Variants in CTNNAL1 observed in about 807,000 individuals in gnomAD.
CTNNAL1 encodes the protein catenin alpha like 1.
A neutral mutation model predicts 93.6 loss-of-function variants in CTNNAL1; 69 were observed. The observed-to-expected ratio is 0.74, with a 90% CI of 0.61 to 0.90. The LOEUF is 0.90. Ranked by LOEUF, CTNNAL1 falls within the 40% of genes least tolerant of loss-of-function variation. The pLI, the probability that CTNNAL1 is intolerant of heterozygous loss-of-function variation, is 0.00. For synonymous variants in CTNNAL1, 286 were observed against 305.4 expected (o/e 0.94, Z 0.66); for missense variants, 836 against 862.0 (o/e 0.97, Z 0.38).
chr9:108,972,859 G>GCCCCCCCCCCCCC, intron 8 of CTNNAL1, 26 bp from the exon 9 acceptor site: 1 of 371,038 alleles, frequency 2.7e-6, no homozygotes, highest in Non-Finnish European at 5.2e-6. Flanking sequence ...TGGGTGGGGG[G>GCCCCCCCCCCCCC]GTGGGAGGGT....
At chr9:109,006,672 C>T (rs1044140645) in intron 1 of CTNNAL1, among the ~76,000 whole-genome samples, 1 of 152,130 alleles carries the variant, frequency 6.6e-6, no homozygotes, top group Non-Finnish European at 1.5e-5. Flanking sequence ...GAAAAGGCAT[C>T]CCTTGGGGAA....
chr9:108,943,422 C>T (rs1830304886), intron 17 of CTNNAL1, among the ~76,000 whole-genome samples: 1 of 152,274 alleles, frequency 6.6e-6, no homozygotes, highest in African/African-American at 2.4e-5. Context: ...AGACCAGACT[C>T]GGAGGCACCT....
chr9:108,966,180 T>C (rs1456354904), intron 10 of CTNNAL1, among the ~76,000 whole-genome samples: 5 of 152,130 alleles, frequency 3.3e-5, no homozygotes, highest in Admixed American at 2.6e-4. Flanking sequence ...TAAACTCAGA[T>C]CTACCTGATC....
intron 12 of CTNNAL1, among the ~76,000 whole-genome samples, chr9:108,955,243 C>A (rs1258480273): frequency 6.6e-6 from 1 of 152,186 alleles, no homozygotes; most frequent in Non-Finnish European, 1.5e-5. Flanking sequence ...ACCTCGGCCT[C>A]CCAAAGTGCT....
At chr9:108,967,448 T>C (rs949263181) in intron 10 of CTNNAL1, among the ~76,000 whole-genome samples, 2 of 152,162 alleles carry the variant, frequency 1.3e-5, no homozygotes, top group Admixed American at 6.5e-5. Flanking sequence ...GTAGGCACTG[T>C]GCCCACGTTC....
chr9:108,991,900 AC>A, intron 3 of CTNNAL1: 1 of 618,686 alleles, frequency 1.6e-6, no homozygotes, highest in Non-Finnish European at 2.9e-6. Context: ...ATGGAGCATG[AC>A]CATCATCTGA....
intron 6 of CTNNAL1, 77 bp downstream of exon 6, chr9:108,983,068 A>T (rs1027225202): frequency 1.7e-6 from 2 of 1,201,306 alleles, no homozygotes; most frequent in Admixed American, 8.4e-5. Context: ...ACAGAGCGAG[A>T]CTCCATCTCA....
At chr9:109,010,245 T>C (rs1405466575) in intron 1 of CTNNAL1, among the ~76,000 whole-genome samples, 1 of 152,204 alleles carries the variant, frequency 6.6e-6, no homozygotes, top group African/African-American at 2.4e-5. Flanking sequence ...TTGATTTTAG[T>C]ATCCTACACT....
chr9:108,955,823 C>G lies in CTNNAL1; in HGVS notation c.1596G>C (p.Glu532Asp), dbSNP rs780697175. Residue 532 changes from glutamate (E) to aspartate (D), a missense_variant, in exon 12 of 19, where the codon GAG (glutamate) becomes GAC (aspartate). Glu to Asp is a conservative substitution (Grantham distance 45, BLOSUM62 2). Transcript: ENST00000325551. Reference sequence around the variant, plus strand: ...TTGGAAGTGAAAGGTAGCCATACTTCTCTCCTACAAATAACACATATAACT... The same window carrying G: ...TTGGAAGTGAAAGGTAGCCATACTTGTCTCCTACAAATAACACATATAACT... ...INDVFEGRRG[E>D]KYGYLSLPKP... is the part of the protein sequence containing the mutation. The G allele has an allele frequency of 6.3e-7, 1 of 1,599,466 alleles. No individual in the cohort carries two copies.
intron 8 of CTNNAL1, among the ~76,000 whole-genome samples, chr9:108,975,052 A>G (rs1831225056): frequency 6.6e-6 from 1 of 151,972 alleles, no homozygotes; most frequent in Admixed American, 6.5e-5. Flanking sequence ...AATCCCAGCT[A>G]CTCGGGAGGC....
chr9:108,983,527 A>C (rs542461870), intron 5 of CTNNAL1, among the ~76,000 whole-genome samples: 2 of 152,264 alleles, frequency 1.3e-5, no homozygotes, highest in Admixed American at 1.3e-4. Context: ...GTGCAAAACT[A>C]TACCTTTATA....
At chr9:108,960,519 A>C (rs893978997) in intron 11 of CTNNAL1, among the ~76,000 whole-genome samples, 1 of 152,220 alleles carries the variant, frequency 6.6e-6, no homozygotes, top group African/African-American at 2.4e-5. Context: ...GCTGCCAGGA[A>C]AATGAGAAAA....
chr9:108,980,887 A>G (rs1242521746), intron 6 of CTNNAL1, among the ~76,000 whole-genome samples: 1 of 152,246 alleles, frequency 6.6e-6, no homozygotes, highest in East Asian at 1.9e-4. Context: ...GGGTTTTTTT[A>G]AAGAGGCTAT....
At chr9:108,982,835 T>C (rs916844490) in intron 6 of CTNNAL1, among the ~76,000 whole-genome samples, 1 of 152,234 alleles carries the variant, frequency 6.6e-6, no homozygotes, top group Non-Finnish European at 1.5e-5. Context: ...CCCAGCACTT[T>C]GGGAGGCCCA....
At chr9:108,988,534 G>T (rs757321857) in intron 4 of CTNNAL1, among the ~76,000 whole-genome samples, 3 of 152,156 alleles carry the variant, frequency 2.0e-5, no homozygotes, top group African/African-American at 7.2e-5. Flanking sequence ...CTGTTAAAAT[G>T]TAAGTCAGAA....
chr9:108,960,767 T>G (rs1830801719), intron 11 of CTNNAL1, among the ~76,000 whole-genome samples: 1 of 152,244 alleles, frequency 6.6e-6, no homozygotes, highest in Admixed American at 6.5e-5. Context: ...AATTCTAAAC[T>G]GACACATATT....
chr9:108,943,192 T>A, intron 17 of CTNNAL1, 148 bp from the exon 18 acceptor site: 1 of 726,008 alleles, frequency 1.4e-6, no homozygotes. Context: ...ATGAGCTGAC[T>A]CAAAGCCCCA....
chr9:108,988,788 C>T (rs1348523253), intron 4 of CTNNAL1, among the ~76,000 whole-genome samples: 1 of 152,200 alleles, frequency 6.6e-6, no homozygotes. Flanking sequence ...GTTTTTGTCA[C>T]TTTTATTTAC....
chr9:108,968,388 G>A (rs1386593485), intron 10 of CTNNAL1, among the ~76,000 whole-genome samples: 1 of 152,124 alleles, frequency 6.6e-6, no homozygotes, highest in East Asian at 1.9e-4. Context: ...ACTATCCTGG[G>A]GAAGAAAATA....
Sources: gnomAD v4.1 joint callset for allele counts (sites outside exome capture counted in the v4.1 genomes callset) on GRCh38, gnomAD v4.1.1 for gene constraint, MANE v1.5 for transcripts, NCBI Gene and HGNC (gene_info 2026-07-23, HGNC 2026-07-21) for gene names.